FUCA1: variants seen among roughly 807,000 people sequenced by gnomAD.
FUCA1 encodes alpha-L-fucosidase 1, also known as tissue alpha-L-fucosidase.
A neutral mutation model predicts 56.8 loss-of-function variants in FUCA1; 52 were observed. The observed-to-expected ratio is 0.92, with a 90% confidence interval of 0.73 to 1.15. The LOEUF (loss-of-function observed/expected upper bound fraction) is 1.15, where lower values mean the gene tolerates loss of function less well. Ranked by LOEUF, FUCA1 falls within the 50% of genes most tolerant of loss-of-function variation. The pLI is 0.00. For synonymous variants in FUCA1, 230 were observed against 226.6 expected (o/e 1.02, Z -0.14); for missense variants, 568 against 592.6 (o/e 0.96, Z 0.43).
At chr1:23,862,663 C>T (rs192355612) in intron 3 of FUCA1, among the ~76,000 whole-genome samples, 3 of 152,144 alleles carry the variant, frequency 2.0e-5, no homozygotes, top group Admixed American at 1.3e-4. Context: ...TTACTTTGTA[C>T]CAGGCACCGT....
Position 23,853,074 on chromosome 1 carries a change from C to A in FUCA1, c.969+1286G>T, listed in dbSNP as rs1393318707. On this transcript the variant is annotated intron_variant, in intron 5 of 7. Coordinates refer to ENST00000374479, the MANE Select transcript of FUCA1 (RefSeq NM_000147.5). ...GCCATCCCATCTAGGAAGTGAGGAG[C>A]GTCTCTGCCCGGCCGCCCATCGTCT... 1.4e-5 allele frequency among the ~76,000 whole-genome samples: 2 copies of A among 144,604 alleles called. 1 individual carries two copies. Among genetic ancestry groups the A allele is most frequent in the African/African-American group, 5.4e-5 (2 of 36,738 alleles). The allele number at this position is 144,604 out of a possible 152,430, so 94.9% of individuals were successfully genotyped here.
intron 3 of FUCA1, among the ~76,000 whole-genome samples, chr1:23,860,599 A>C (rs895832187): frequency 1.3e-5 from 2 of 150,912 alleles, no homozygotes; most frequent in Non-Finnish European, 3.0e-5. Context: ...AAAAAAAAAA[A>C]AACACACAGC....
Position 23,868,281 on chromosome 1 carries a change from C to T in FUCA1, c.6G>A (p.Arg2=), listed in dbSNP as rs1431712214. 28 of 1,549,234 alleles carry T rather than the reference C, an allele frequency of 1.8e-5. No individual in the cohort carries two copies. Among genetic ancestry groups the T allele is most frequent in the South Asian group, 4.7e-5 (4 of 84,768 alleles). The change falls in exon 1 of 8, where the codon CGG becomes CGA. Residue 2 remains arginine, a synonymous_variant. Coordinates refer to ENST00000374479, the MANE Select transcript of FUCA1 (RefSeq NM_000147.5). ...CCGGCCGCGACCTCATCCCCGGAGC[C>T]CGCATCGCTACCCCTCAGCGACGCG... is the stretch of plus-strand genomic sequence containing the variant. M[R]APGMRSRPAG... is the part of the protein sequence containing the mutation.
chr1:23,846,578 TA>T (rs989142834), intron 6 of FUCA1, among the ~76,000 whole-genome samples: 2 of 151,384 alleles, frequency 1.3e-5, no homozygotes, highest in Admixed American at 1.3e-4. Flanking sequence ...GCTCCTTATT[TA>T]TTTTTTTTTT....
intron 6 of FUCA1, among the ~76,000 whole-genome samples, chr1:23,848,392 T>A (rs1457956643): frequency 6.6e-6 from 1 of 152,168 alleles, no homozygotes; most frequent in Non-Finnish European, 1.5e-5. Context: ...GGGGGCAGGG[T>A]AATAATCTCA....
Position 23,846,065 on chromosome 1 carries a change from C to T in FUCA1, c.1260+9G>A, listed in dbSNP as rs1187374942. 1 of 1,600,166 alleles carries T rather than the reference C, an allele frequency of 6.2e-7. No homozygotes were observed. The highest frequency in any genetic ancestry group is 8.6e-7 in the Non-Finnish European group (1 of 1,167,360). ...AAGTTACATCTTAAGACTGACTAAG[C>T]CTCTTTACCTTTGTAGTTGAGGTAG... On this transcript the variant is annotated intron_variant, in intron 7 of 7. Coordinates refer to ENST00000374479, the MANE Select transcript of FUCA1 (RefSeq NM_000147.5).
chr1:23,848,642 G>C lies in FUCA1; in HGVS notation c.1160+7C>G, dbSNP rs1384977518. 1 of 1,613,748 alleles carries C rather than the reference G, an allele frequency of 6.2e-7. No individual in the cohort carries two copies. Among genetic ancestry groups the C allele is most frequent in the Admixed American group, 1.7e-5 (1 of 59,984 alleles). ...TGTTCTTACACACAACAGAAGACAA[G>C]ACTCACCATACAGATGTTGTGTTCT... On this transcript the variant is annotated splice_region_variant and intron_variant, in intron 6 of 7. Transcript: ENST00000374479.
Position 23,867,620 on chromosome 1 carries a change from G to A in FUCA1, c.389+278C>T, listed in dbSNP as rs1007247713. On this transcript the variant is annotated intron_variant, in intron 1 of 7. Coordinates refer to ENST00000374479, the MANE Select transcript of FUCA1 (RefSeq NM_000147.5). The surrounding 1 kb of genome is among the most constrained non-coding windows in gnomAD (Gnocchi z 4.9). ...GCTGTCAATCTGAAAGGGACATCAGGTATGGCCTAACTCAGCCCTCTCGGT... is the reference window on the plus strand; with the variant it reads ...GCTGTCAATCTGAAAGGGACATCAGATATGGCCTAACTCAGCCCTCTCGGT... 1.6e-5 allele frequency: 10 copies of A among 631,626 alleles called. No individual in the cohort carries two copies. Among genetic ancestry groups the A allele is most frequent in the African/African-American group, 2.0e-5 (1 of 50,394 alleles). The allele number at this position is 631,626 out of a possible 1,614,324, so 39.1% of individuals were successfully genotyped here. A position where few individuals can be genotyped will look rare whatever the true frequency, so the allele number is the denominator to read the frequency against.
intron 6 of FUCA1, 87 bp from the exon 7 acceptor site, chr1:23,846,260 A>G: frequency 1.1e-6 from 1 of 905,206 alleles, no homozygotes; most frequent in Non-Finnish European, 1.7e-6. Flanking sequence ...TTTAATGTTA[A>G]TTTTCTTTTC....
Position 23,846,155 on chromosome 1 carries a change from C to T in FUCA1, c.1179G>A (p.Ser393=), listed in dbSNP as rs370306169. ...AGTGCAGAAAAATGGCATAAACAGC[C>T]GATCCCTTTGAGGTATACCTGGGAA... ...TTSVWYTSKG[S]AVYAIFLHWP... Residue 393 remains serine (S), a synonymous_variant, in exon 7 of 8, where the codon TCG becomes TCA. Transcript: ENST00000374479. 5.4e-5 allele frequency: 87 copies of T among 1,613,670 alleles called. No homozygotes were observed. The highest frequency in any genetic ancestry group is 1.1e-4 in the African/African-American group (8 of 74,888).
intron 6 of FUCA1, among the ~76,000 whole-genome samples, chr1:23,846,864 G>T (rs1639154974): frequency 6.6e-6 from 1 of 152,192 alleles, no homozygotes; most frequent in African/African-American, 2.4e-5. Flanking sequence ...TTACAGGCGT[G>T]AGTCACTGTT....
chr1:23,865,923 T>C (rs1639614462), intron 1 of FUCA1, among the ~76,000 whole-genome samples: 1 of 152,196 alleles, frequency 6.6e-6, no homozygotes, highest in Non-Finnish European at 1.5e-5. Context: ...AGCTCTCTGA[T>C]TCTTCAACAC....
In FUCA1 at chr1:23,863,285, AC is replaced by A; in HGVS notation, c.525-15del. 1 of 1,611,288 alleles carries A rather than the reference AC, an allele frequency of 6.2e-7. No homozygotes were observed. Among genetic ancestry groups the A allele is most frequent in the East Asian group, 2.2e-5 (1 of 44,842 alleles). On this transcript the variant is annotated splice_polypyrimidine_tract_variant and intron_variant, in intron 2 of 7. Transcript: ENST00000374479. ...TAGCGGATGTTCCTTAAACAGAAAA[AC>A]AGAACAGCAACTGTCATTAAGCATA...
rs1639669314 is a variant in FUCA1 at position 23,868,277 on chromosome 1, G to A, written c.10C>T (p.Pro4Ser). Reference sequence around the variant, plus strand: ...CCCGCCGGCCGCGACCTCATCCCCGGAGCCCGCATCGCTACCCCTCAGCGA... The same window carrying A: ...CCCGCCGGCCGCGACCTCATCCCCGAAGCCCGCATCGCTACCCCTCAGCGA... MRA[P>S]GMRSRPAGPA... The change falls in exon 1 of 8, where the codon CCG (proline) becomes TCG (serine). Residue 4 changes from proline (P) to serine (S), a missense_variant. Physicochemically the swap from Pro to Ser is moderately conservative, Grantham distance 74. Transcript: ENST00000374479. 3.2e-6 allele frequency: 5 copies of A among 1,551,296 alleles called. No homozygotes were observed. The highest frequency in any genetic ancestry group is 1.2e-5 in the South Asian group (1 of 84,902).
chr1:23,856,666 A>C (rs768777382), intron 4 of FUCA1, among the ~76,000 whole-genome samples: 23 of 152,170 alleles, frequency 1.5e-4, no homozygotes, highest in South Asian at 8.3e-4. Context: ...GCACACCCAC[A>C]CAGAAGGTCC....
chr1:23,853,450 G>GC (rs1258828995), intron 5 of FUCA1, among the ~76,000 whole-genome samples: 3 of 149,500 alleles, frequency 2.0e-5, no homozygotes, highest in Admixed American at 6.6e-5. Context: ...GGGGGGGTCA[G>GC]CCCCCCGCCC....
At chr1:23,859,092 TTA>T (rs1338959990) in intron 4 of FUCA1, among the ~76,000 whole-genome samples, 1 of 152,126 alleles carries the variant, frequency 6.6e-6, no homozygotes, top group Non-Finnish European at 1.5e-5. Flanking sequence ...TGTATGTCTT[TTA>T]TATGTTTTCT....
chr1:23,845,782 G>A lies in FUCA1; in HGVS notation c.1334C>T (p.Pro445Leu). ...DPDKGLFISL[P>L]QLPPSAVPAE... ...GGGGACAGCAGAGGGTGGCAACTGG[G>A]GTAGAGAGATGAAGAGACCTTTATC... Residue 445 changes from proline (P) to leucine (L), a missense_variant, in exon 8 of 8, where the codon CCC becomes CTC. Pro to Leu is a moderately conservative substitution (Grantham distance 98). Coordinates refer to ENST00000374479, the MANE Select transcript of FUCA1 (RefSeq NM_000147.5). The A allele has an allele frequency of 6.2e-7, 1 of 1,614,108 alleles. No individual in the cohort carries two copies. The highest frequency in any genetic ancestry group is 8.5e-7 in the Non-Finnish European group (1 of 1,179,980).
In FUCA1 at chr1:23,868,115, A is replaced by G. The variant is rs1047146664; in HGVS notation, c.172T>C (p.Phe58Leu). Residue 58 changes from phenylalanine (F) to leucine (L), a missense_variant, in exon 1 of 8, where the codon TTC becomes CTC. Transcript: ENST00000374479. ...ACGCCCCAGTGGATGAACACCCCGA[A>G]CTTGGCTTCGTCGAACCAGGCCGGC... is the stretch of plus-strand genomic sequence containing the variant. The part of the protein sequence containing the change: ...PLPAWFDEAK[F>L]GVFIHWGVFS... 6.8e-6 allele frequency: 11 copies of G among 1,611,644 alleles called. No individual in the cohort carries two copies. In the African/African-American group the frequency reaches 1.3e-4, roughly 20 times the overall value.
Sources: gnomAD v4.1 joint callset for allele counts (sites outside exome capture counted in the v4.1 genomes callset) on GRCh38, gnomAD v4.1.1 for gene constraint, Gnocchi (gnomAD v3.1) non-coding constraint, MANE v1.5 for transcripts, NCBI Gene and HGNC (gene_info 2026-07-23, HGNC 2026-07-21) for gene names.